SYN3: variants seen among roughly 807,000 people sequenced by gnomAD.
SYN3 encodes synapsin III, also known as synapsin-3.
SYN3 carries 35 observed loss-of-function variants against 65.8 expected under a neutral mutation model. That is an observed-to-expected ratio of 0.53 (90% CI 0.41 to 0.70). The LOEUF (loss-of-function observed/expected upper bound fraction) is 0.70, where lower values mean the gene tolerates loss of function less well. SYN3 is among the 30% of genes least tolerant of loss of function. SYN3 has a pLI of 0.00. For synonymous variants in SYN3, 270 were observed against 292.9 expected (o/e 0.92, Z 0.80); for missense variants, 680 against 749.0 (o/e 0.91, Z 1.08).
At chr22:32,787,985 T>G (rs531522266) in intron 6 of SYN3, among the ~76,000 whole-genome samples, 2 of 151,878 alleles carry the variant, frequency 1.3e-5, no homozygotes, top group South Asian at 4.2e-4. Flanking sequence ...CAAGTGAGAG[T>G]GGGAGAGACA....
intron 6 of SYN3, among the ~76,000 whole-genome samples, chr22:32,719,671 C>T (rs1393121952): frequency 1.3e-5 from 2 of 151,958 alleles, no homozygotes; most frequent in Non-Finnish European, 2.9e-5. Context: ...AGTGAGACAC[C>T]ATCTCTCCAA....
intron 4 of SYN3, among the ~76,000 whole-genome samples, chr22:32,890,247 T>G (rs1240149780): frequency 6.6e-6 from 1 of 151,638 alleles, no homozygotes; most frequent in Non-Finnish European, 1.5e-5. Context: ...CCTGGCTAAT[T>G]TGTGTATCTT....
At chr22:32,705,643 G>A (rs2060870933) in intron 6 of SYN3, among the ~76,000 whole-genome samples, 1 of 152,172 alleles carries the variant, frequency 6.6e-6, no homozygotes, top group Non-Finnish European at 1.5e-5. Flanking sequence ...AATTGCTTTG[G>A]GCAGTATGGC....
intron 6 of SYN3, among the ~76,000 whole-genome samples, chr22:32,654,875 T>C (rs2060121369): frequency 6.6e-6 from 1 of 152,272 alleles, no homozygotes; most frequent in Non-Finnish European, 1.5e-5. Flanking sequence ...TACCATGTTC[T>C]ATGTCCTTTT....
At chr22:32,517,917 T>C (rs943538075) in intron 13 of SYN3, 126 bp downstream of exon 13, 5 of 1,074,132 alleles carry the variant, frequency 4.7e-6, no homozygotes, top group African/African-American at 1.6e-5. Context: ...TGTTTTTACC[T>C]ATTTGAAGTC....
intron 6 of SYN3, among the ~76,000 whole-genome samples, chr22:32,854,378 A>G (rs1569277755): frequency 1.3e-5 from 2 of 152,120 alleles, no homozygotes; most frequent in Non-Finnish European, 2.9e-5. Context: ...GAGCAGTTCA[A>G]ATGACCAGAC....
chr22:32,804,173 C>T (rs1240207783), intron 6 of SYN3, among the ~76,000 whole-genome samples: 1 of 152,192 alleles, frequency 6.6e-6, no homozygotes, highest in East Asian at 1.9e-4. Context: ...AAAAAATCTT[C>T]GATGCTCTGG....
At chr22:32,780,097 A>AG (rs57241678) in intron 6 of SYN3, among the ~76,000 whole-genome samples, 3 of 888 alleles carry the variant, frequency 3.4e-3, no homozygotes, top group Non-Finnish European at 0.067. Flanking sequence ...AAAAAAAGAG[A>AG]AAAAAAACAG....
At chr22:32,680,300 C>T (rs1041607450) in intron 6 of SYN3, among the ~76,000 whole-genome samples, 95 of 152,292 alleles carry the variant, frequency 6.2e-4, no homozygotes, top group African/African-American at 2.2e-3. Context: ...GAATTATGCA[C>T]TCCCTTCTCT....
At chr22:32,933,427 TTTG>T (rs1050552070) in intron 3 of SYN3, among the ~76,000 whole-genome samples, 10 of 151,936 alleles carry the variant, frequency 6.6e-5, no homozygotes, top group African/African-American at 1.5e-4. Flanking sequence ...GGCCTGTGTT[TTTG>T]TTGTTGTTGT....
intron 7 of SYN3, among the ~76,000 whole-genome samples, chr22:32,573,495 T>C (rs543650688): frequency 2.0e-4 from 31 of 152,286 alleles, no homozygotes; most frequent in Non-Finnish European, 3.2e-4. Flanking sequence ...AGGACTGAGT[T>C]CATCAAAAGG....
intron 6 of SYN3, among the ~76,000 whole-genome samples, chr22:32,643,431 G>A (rs994402528): frequency 2.0e-5 from 3 of 151,682 alleles, no homozygotes; most frequent in Admixed American, 6.6e-5. Flanking sequence ...CACACTTTGC[G>A]TTGCCACCTA....
At chr22:32,949,880 A>G (rs2051238103) in intron 3 of SYN3, among the ~76,000 whole-genome samples, 1 of 152,208 alleles carries the variant, frequency 6.6e-6, no homozygotes, top group South Asian at 2.1e-4. Context: ...CAAGAAACCA[A>G]GAATGTGTGG....
At chr22:32,617,803 A>G (rs1044586994) in intron 6 of SYN3, among the ~76,000 whole-genome samples, 7 of 149,908 alleles carry the variant, frequency 4.7e-5, no homozygotes, top group Admixed American at 3.3e-4. Flanking sequence ...TAGGGAGAGG[A>G]GGGGTTGGGG....
chr22:32,586,997 G>A (rs541535864), intron 7 of SYN3, among the ~76,000 whole-genome samples: 13 of 152,276 alleles, frequency 8.5e-5, no homozygotes, highest in African/African-American at 2.9e-4. Context: ...GCTGAGGCAG[G>A]TGGATCACGA....
intron 6 of SYN3, among the ~76,000 whole-genome samples, chr22:32,611,581 C>T (rs963254313): frequency 1.6e-4 from 25 of 152,200 alleles, no homozygotes; most frequent in African/African-American, 5.8e-4. Flanking sequence ...CTTGAGCCAC[C>T]GCACCCAGCT....
At chr22:32,904,483 T>C (rs2049848224) in intron 4 of SYN3, among the ~76,000 whole-genome samples, 1 of 152,084 alleles carries the variant, frequency 6.6e-6, no homozygotes, top group Admixed American at 6.6e-5. Context: ...TACTCTTGAT[T>C]GAGTGAGACC....
chr22:32,813,486 T>TACACACAC (rs130277), intron 6 of SYN3, among the ~76,000 whole-genome samples: 13 of 138,286 alleles, frequency 9.4e-5, no homozygotes, highest in South Asian at 5.1e-4. Context: ...TCTGAAAAGA[T>TACACACAC]ACACACACAC....
chr22:32,562,003 C>G (rs983177222), intron 7 of SYN3, among the ~76,000 whole-genome samples: 4 of 152,176 alleles, frequency 2.6e-5, no homozygotes, highest in African/African-American at 9.7e-5. Context: ...TGCAACGTGG[C>G]TGACTGGTTG....
Sources: gnomAD v4.1 joint callset for allele counts (sites outside exome capture counted in the v4.1 genomes callset) on GRCh38, gnomAD v4.1.1 for gene constraint, MANE v1.5 for transcripts, NCBI Gene and HGNC (gene_info 2026-07-23, HGNC 2026-07-21) for gene names.